ATG3: variants seen among roughly 807,000 people sequenced by gnomAD.
ATG3 encodes the protein ubiquitin-like-conjugating enzyme ATG3.
ATG3 carries 25 observed loss-of-function variants against 50.7 expected under a neutral mutation model. The ratio of observed to expected loss-of-function variants is 0.49; its 90% CI spans 0.36 to 0.69. ATG3 has a LOEUF of 0.69. ATG3 is among the 30% of genes least tolerant of loss of function. The probability of loss-of-function intolerance (pLI) is 0.00; values close to 1 mark genes in which losing one functional copy is unlikely to be tolerated. For missense variants in ATG3, 281 were observed against 376.0 expected (o/e 0.75, Z 2.09); for synonymous variants, 119 against 125.5 (o/e 0.95, Z 0.34).
intron 3 of ATG3, among the ~76,000 whole-genome samples, chr3:112,551,628 T>C (rs894484465): frequency 6.6e-6 from 1 of 152,120 alleles, no homozygotes; most frequent in Non-Finnish European, 1.5e-5. Context: ...CCTAAACTAC[T>C]TAATTAAGCT....
intron 2 of ATG3, among the ~76,000 whole-genome samples, chr3:112,555,043 C>T (rs1471581852): frequency 6.6e-6 from 1 of 152,028 alleles, no homozygotes; most frequent in African/African-American, 2.4e-5. Flanking sequence ...AATTTATTAC[C>T]ATTAAAAGTA....
intron 2 of ATG3, among the ~76,000 whole-genome samples, chr3:112,556,674 T>C (rs1933692060): frequency 6.6e-6 from 1 of 152,238 alleles, no homozygotes; most frequent in African/African-American, 2.4e-5. Context: ...CATTTTGTTC[T>C]GTACTAAGAA....
intron 5 of ATG3, among the ~76,000 whole-genome samples, chr3:112,544,635 CAA>C (rs922117186): frequency 1.2e-4 from 15 of 130,010 alleles, no homozygotes; most frequent in African/African-American, 4.6e-4. Context: ...GCCTGGGCGA[CAA>C]GAGCGAAACT....
chr3:112,553,160 G>T, intron 3 of ATG3, 120 bp downstream of exon 3: 1 of 799,430 alleles, frequency 1.3e-6, no homozygotes, highest in Non-Finnish European at 2.1e-6. Context: ...AGAAGAATCT[G>T]CTGGGGGGAA....
intron 5 of ATG3, among the ~76,000 whole-genome samples, chr3:112,546,020 C>T (rs1933358399): frequency 6.6e-6 from 1 of 151,918 alleles, no homozygotes; most frequent in African/African-American, 2.4e-5. Context: ...ATTCAGCCTC[C>T]AGAACGCTTT....
chr3:112,535,740 T>C (rs1044106187), intron 10 of ATG3: 4 of 152,204 alleles, frequency 2.6e-5, no homozygotes, highest in Admixed American at 2.6e-4. Context: ...AAATGTTTCA[T>C]CTAACTAGTC....
At chr3:112,542,188 C>A (rs1225872310) in intron 6 of ATG3, among the ~76,000 whole-genome samples, 2 of 152,092 alleles carry the variant, frequency 1.3e-5, no homozygotes, top group East Asian at 3.8e-4. Context: ...TTAATCAATT[C>A]ATTAGTATTA....
intron 6 of ATG3, among the ~76,000 whole-genome samples, chr3:112,542,204 T>G (rs773415470): frequency 2.0e-5 from 3 of 152,082 alleles, no homozygotes; most frequent in Non-Finnish European, 4.4e-5. Flanking sequence ...TATTAGAAAA[T>G]CAGTTCAAAA....
chr3:112,558,184 A>C, intron 2 of ATG3, 192 bp downstream of exon 2: 1 of 563,540 alleles, frequency 1.8e-6, no homozygotes. Flanking sequence ...GAAATATGAG[A>C]AGTGGCAAAC....
chr3:112,538,879 T>G (rs1306050698), intron 7 of ATG3, among the ~76,000 whole-genome samples: 1 of 152,260 alleles, frequency 6.6e-6, no homozygotes, highest in African/African-American at 2.4e-5. Flanking sequence ...AAATATCACA[T>G]GTCTGAAACT....
Position 112,538,190 on chromosome 3 carries a change from AAAAAC to A in ATG3, c.476-15_476-11del. On this transcript the variant is annotated splice_polypyrimidine_tract_variant and intron_variant, in intron 7 of 11. Coordinates refer to ENST00000283290, the MANE Select transcript of ATG3 (RefSeq NM_022488.5). ...CCACTCTCTTCATATTCTGTTATAAAAAAACAACAAAAGATTAATCAAGTTCAAGT... is the reference window on the plus strand; with the variant it reads ...CCACTCTCTTCATATTCTGTTATAAAAACAAAAGATTAATCAAGTTCAAGT... The A allele has an allele frequency of 1.3e-6, 2 of 1,566,394 alleles. No homozygotes were observed. Among genetic ancestry groups the A allele is most frequent in the Non-Finnish European group, 1.7e-6 (2 of 1,150,376 alleles).
intron 1 of ATG3, among the ~76,000 whole-genome samples, chr3:112,561,009 G>C (rs1481580701): frequency 6.6e-6 from 1 of 152,146 alleles, no homozygotes; most frequent in African/African-American, 2.4e-5. Flanking sequence ...CCCCACTACA[G>C]CGGACTTTCA....
In ATG3 at chr3:112,550,634, A is replaced by G. The variant is rs532415344; in HGVS notation, c.165-372T>C. 3.9e-5 allele frequency among the ~76,000 whole-genome samples: 6 copies of G among 152,312 alleles called. No individual in the cohort carries two copies. The East Asian group carries it at 1.2e-3, about 29-fold the overall frequency. On this transcript the variant is annotated intron_variant, in intron 3 of 11. Transcript: ENST00000283290. ...TATAATCTCTCACATTTTTAATCCT[A>G]AAGTACTGCTGCTCATCTTGAGAAC...
In ATG3 at chr3:112,561,365, C is replaced by A; in HGVS notation, c.72+92G>T. On this transcript the variant is annotated intron_variant, in intron 1 of 11. Coordinates refer to ENST00000283290, the MANE Select transcript of ATG3 (RefSeq NM_022488.5). ...GCCCTACTGCCTTCCTACACCTTGC[C>A]CCGCCGGAGAAAGCGGGGACTCCTG... 5.9e-6 allele frequency: 8 copies of A among 1,364,506 alleles called. 1 individual carries two copies. In the South Asian group the frequency reaches 9.5e-5, roughly 16 times the overall value. 84.5% of individuals were successfully genotyped at this position (1,364,506 alleles called of 1,614,324 possible). A position where few individuals can be genotyped will look rare whatever the true frequency, so the allele number is the denominator to read the frequency against.
chr3:112,537,930 C>A, intron 8 of ATG3, 40 bp from the exon 9 acceptor site: 1 of 1,526,478 alleles, frequency 6.6e-7, no homozygotes, highest in Non-Finnish European at 8.9e-7. Context: ...ACCATTAAAT[C>A]GGTATGAATG....
chr3:112,532,603 CTG>C lies in ATG3; in HGVS notation c.*94_*95del. On this transcript the variant is annotated 3_prime_UTR_variant, in exon 12 of 12. Coordinates refer to ENST00000283290, the MANE Select transcript of ATG3 (RefSeq NM_022488.5). ...ACATATAAGTCCCTTATTAGAGAAA[CTG>C]TATATATTGATGAATATGGTCAATG... The C allele has an allele frequency of 8.2e-6, 7 of 851,970 alleles. No homozygotes were observed. Among genetic ancestry groups the C allele is most frequent in the Non-Finnish European group, 1.2e-5 (7 of 599,944 alleles). The allele number at this position is 851,970 out of a possible 1,614,324, so 52.8% of individuals were successfully genotyped here.
chr3:112,534,096 A>G (rs1414343144), intron 11 of ATG3, 173 bp downstream of exon 11: 13 of 1,364,956 alleles, frequency 9.5e-6, no homozygotes, highest in East Asian at 5.4e-5. Flanking sequence ...TAAGCAAGGC[A>G]TAACTATCAC....
rs891367296 is a variant in ATG3, at chr3:112,535,244, G to A, written c.795-907C>T. 10 of 152,222 alleles carry A rather than the reference G, an allele frequency of 6.6e-5. 1 individual carries two copies. Among genetic ancestry groups the A allele is most frequent in the Middle Eastern group, 3.4e-3 (1 of 294 alleles). 9.4% of individuals were successfully genotyped at this position (152,222 alleles called of 1,614,324 possible). A position where few individuals can be genotyped will look rare whatever the true frequency, so the allele number is the denominator to read the frequency against. ...GAGACAGTCAACTTAGAATATGAGAGTAAATGTATGATTCCAGAGGATTTG... is the reference window on the plus strand; with the variant it reads ...GAGACAGTCAACTTAGAATATGAGAATAAATGTATGATTCCAGAGGATTTG... On this transcript the variant is annotated intron_variant, in intron 10 of 11. Coordinates refer to ENST00000283290, the MANE Select transcript of ATG3 (RefSeq NM_022488.5).
Position 112,553,362 on chromosome 3 carries a change from G to C in ATG3, c.115-33C>G, listed in dbSNP as rs1351532332. The stretch of plus-strand genomic sequence containing the variant: ...GGATTTAAAAGTAATATGAAAAAAA[G>C]GAAAAAGAAAAATCAAACATCACTG... On this transcript the variant is annotated intron_variant, in intron 2 of 11. Transcript: ENST00000283290. 3 of 1,595,494 alleles carry C rather than the reference G, an allele frequency of 1.9e-6. No individual in the cohort carries two copies. The African/African-American group carries it at 4.0e-5, about 21-fold the overall frequency.
Sources: allele counts gnomAD v4.1 joint callset (sites outside exome capture counted in the v4.1 genomes callset), GRCh38; gene constraint gnomAD v4.1.1; transcripts MANE v1.5; gene names NCBI Gene and HGNC (gene_info 2026-07-23, HGNC 2026-07-21).